FGD3: variants seen among roughly 807,000 people sequenced by gnomAD.
The protein encoded by FGD3 is FYVE, RhoGEF and PH domain containing 3, also known as FYVE, RhoGEF and PH domain-containing protein 3.
FGD3 carries 45 observed loss-of-function variants against 71.8 expected under a neutral mutation model. That is an observed-to-expected ratio of 0.63 (90% confidence interval 0.49 to 0.80). The LOEUF (loss-of-function observed/expected upper bound fraction) is 0.80. FGD3 is among the 30% of genes least tolerant of loss of function. The pLI, the probability that FGD3 is intolerant of heterozygous loss-of-function variation, is 0.00. For missense variants in FGD3, 844 were observed against 951.5 expected, an observed-to-expected ratio of 0.89 and a Z score of 1.49; for synonymous variants, 378 against 392.8, an observed-to-expected ratio of 0.96 and a Z score of 0.44.
intron 1 of FGD3, among the ~76,000 whole-genome samples, chr9:92,948,249 TA>T (rs1246974921): frequency 6.6e-6 from 1 of 152,188 alleles, no homozygotes; most frequent in African/African-American, 2.4e-5. Context: ...TTTGTTACCT[TA>T]TTCTTGCCAC....
At chr9:93,034,349 G>A (rs1400093702) in intron 16 of FGD3, 192 bp from the exon 17 acceptor site, 3 of 609,928 alleles carry the variant, frequency 4.9e-6, no homozygotes, top group Middle Eastern at 4.5e-4. Flanking sequence ...TACCACACAT[G>A]CCTATGTCCT....
chr9:93,013,837 C>T lies in FGD3; in HGVS notation c.1036-15C>T. 4 of 1,612,106 alleles carry T rather than the reference C, an allele frequency of 2.5e-6. No homozygotes were observed. Among genetic ancestry groups the T allele is most frequent in the Non-Finnish European group, 3.4e-6 (4 of 1,179,256 alleles). On this transcript the variant is annotated splice_polypyrimidine_tract_variant and intron_variant, in intron 8 of 17. Coordinates refer to ENST00000375482, the MANE Select transcript of FGD3 (RefSeq NM_001083536.2). ...CTCACAGACCTTTGGTGCCTGAGTC[C>T]CATGTCTCTTGCAGGAGAAAATGCA...
chr9:93,026,811 G>A (rs1862131194), intron 14 of FGD3, among the ~76,000 whole-genome samples: 1 of 152,244 alleles, frequency 6.6e-6, no homozygotes, highest in Non-Finnish European at 1.5e-5. Context: ...GGCACGCCCT[G>A]TGTTGTTCTC....
chr9:92,991,119 C>T (rs1860393198), intron 3 of FGD3, among the ~76,000 whole-genome samples: 1 of 152,094 alleles, frequency 6.6e-6, no homozygotes, highest in South Asian at 2.1e-4. Flanking sequence ...CACCCTGTCA[C>T]CCAGGCTGGA....
intron 14 of FGD3, among the ~76,000 whole-genome samples, chr9:93,023,840 C>T (rs951759798): frequency 6.3e-4 from 88 of 140,044 alleles, no homozygotes; most frequent in Admixed American, 1.8e-3. Flanking sequence ...GTCGCTCTGT[C>T]GCCCAGGCCG....
Position 93,035,720 on chromosome 9 carries a change from G to A in FGD3, c.*131G>A. 7 of 1,307,008 alleles carry A rather than the reference G, an allele frequency of 5.4e-6. No individual in the cohort carries two copies. The highest frequency in any genetic ancestry group is 7.1e-6 in the Non-Finnish European group (7 of 991,740). The allele number at this position is 1,307,008 out of a possible 1,614,324, so 81.0% of individuals were successfully genotyped here. On this transcript the variant is annotated 3_prime_UTR_variant, in exon 18 of 18. Coordinates refer to ENST00000375482, the MANE Select transcript of FGD3 (RefSeq NM_001083536.2). ...CAACAGCCCAGAGCTCAGGACACTT[G>A]GCTTTGGGGGGAAGGAAACTGAGGC...
intron 1 of FGD3, among the ~76,000 whole-genome samples, chr9:92,973,106 A>AT (rs59046376): frequency 0.029 from 2,553 of 87,150 alleles, 243 homozygotes; most frequent in East Asian, 0.19. Context: ...ATGCCTGGTA[A>AT]TTTTTTTTTT....
intron 10 of FGD3, among the ~76,000 whole-genome samples, chr9:93,017,471 A>G (rs1861745754): frequency 6.6e-6 from 1 of 152,046 alleles, no homozygotes; most frequent in South Asian, 2.1e-4. Flanking sequence ...GACAGGGGAC[A>G]GGGACCCATT....
intron 3 of FGD3, among the ~76,000 whole-genome samples, chr9:92,999,589 CTTTTTTT>C (rs886295047): frequency 1.5e-5 from 2 of 131,174 alleles, no homozygotes; most frequent in African/African-American, 5.6e-5. Flanking sequence ...ATCTTGGAAC[CTTTTTTT>C]TTTTTTTTTT....
chr9:92,953,385 C>T (rs1858992211), intron 1 of FGD3, among the ~76,000 whole-genome samples: 1 of 152,210 alleles, frequency 6.6e-6, no homozygotes, highest in Non-Finnish European at 1.5e-5. Context: ...GAGTGGAAAG[C>T]TCTCAAAATG....
At chr9:92,975,658 T>A (rs1859717072) in intron 2 of FGD3, among the ~76,000 whole-genome samples, 1 of 152,132 alleles carries the variant, frequency 6.6e-6, no homozygotes, top group Non-Finnish European at 1.5e-5. Flanking sequence ...GGCAAAGACC[T>A]TGGTCCACAT....
At chr9:92,984,480 C>A (rs956715045) in intron 3 of FGD3, among the ~76,000 whole-genome samples, 1 of 152,192 alleles carries the variant, frequency 6.6e-6, no homozygotes. Context: ...AGGTTATCTA[C>A]ATACTGTAGA....
chr9:92,956,834 C>CTTTTTTTTTTTTTTTTTTT (rs34469364), intron 1 of FGD3, among the ~76,000 whole-genome samples: 1 of 127,748 alleles, frequency 7.8e-6, no homozygotes, highest in Non-Finnish European at 1.6e-5. Context: ...TAATTGCTTT[C>CTTTTTTTTTTTTTTTTTTT]TTTCTTTTTT....
Position 92,994,130 on chromosome 9 carries a change from C to A in FGD3, c.454-8795C>A, listed in dbSNP as rs191331591. The stretch of plus-strand genomic sequence containing the variant: ...CTCCACATCCTCTCCAGCACCTGTT[C>A]TTTCCTGACTTTTTAATGATTGCCA... On this transcript the variant is annotated intron_variant, in intron 3 of 17. Transcript: ENST00000375482. 3.7e-3 allele frequency among the ~76,000 whole-genome samples: 562 copies of A among 152,110 alleles called. 6 individuals are homozygous for A. The highest frequency in any genetic ancestry group is 0.011 in the South Asian group (53 of 4,812).
At chr9:93,034,739 G>C in intron 17 of FGD3, 58 bp downstream of exon 17, 1 of 1,562,134 alleles carries the variant, frequency 6.4e-7, no homozygotes, top group Non-Finnish European at 8.7e-7. Context: ...TCAGGCCTGA[G>C]GCACCCACAG....
chr9:93,032,741 G>A (rs916709568), intron 15 of FGD3, 28 bp from the exon 16 acceptor site: 2 of 1,608,356 alleles, frequency 1.2e-6, no homozygotes, highest in African/African-American at 2.7e-5. Flanking sequence ...CCAGGGTGCT[G>A]GGGTCACACG....
chr9:92,952,300 G>A (rs540231693), intron 1 of FGD3, among the ~76,000 whole-genome samples: 2 of 146,946 alleles, frequency 1.4e-5, no homozygotes, highest in Admixed American at 1.4e-4. Flanking sequence ...GCAGTGGCAC[G>A]ATCTCGGCTC....
In FGD3 at chr9:93,015,780, T is replaced by C; in HGVS notation, c.1226T>C (p.Met409Thr). Residue 409 changes from methionine (M) to threonine (T), a missense_variant, in exon 10 of 18, where the codon ATG becomes ACG. Coordinates refer to ENST00000375482, the MANE Select transcript of FGD3 (RefSeq NM_001083536.2). ...TACTGTGTGCCCAAGCTGCGGCTCA[T>C]GGGCCAGAAGTTCAGCGTCCGGGAG... is the stretch of plus-strand genomic sequence containing the variant. ...ILYCVPKLRL[M>T]GQKFSVREKM... is the part of the protein sequence containing the mutation. The C allele has an allele frequency of 2.5e-6, 4 of 1,614,176 alleles. No individual in the cohort carries two copies. Among genetic ancestry groups the C allele is most frequent in the African/African-American group, 1.3e-5 (1 of 75,040 alleles).
Position 92,993,273 on chromosome 9 carries a change from G to A in FGD3, c.454-9652G>A, listed in dbSNP as rs377497840. On this transcript the variant is annotated intron_variant, in intron 3 of 17. Transcript: ENST00000375482. ...CACCATTGCATCCAGCCTTGTAACAGTTTTTGCTATAAAGTCTATTTTATC... is the reference window on the plus strand; with the variant it reads ...CACCATTGCATCCAGCCTTGTAACAATTTTTGCTATAAAGTCTATTTTATC... Among the ~76,000 whole-genome samples, 38 of 152,206 alleles carry A rather than the reference G, an allele frequency of 2.5e-4. 1 individual carries two copies. The East Asian group carries it at 6.6e-3, about 26-fold the overall frequency.
Sources: allele counts gnomAD v4.1 joint callset (sites outside exome capture counted in the v4.1 genomes callset), GRCh38; gene constraint gnomAD v4.1.1; transcripts MANE v1.5; gene names NCBI Gene and HGNC (gene_info 2026-07-23, HGNC 2026-07-21).